The following ARHGAP45 variants were observed in gnomAD, a reference collection of about 807,000 sequenced individuals.
ARHGAP45 encodes the protein Rho GTPase activating protein 45.
In ARHGAP45, 56 loss-of-function variants were observed where a neutral mutation model predicts 116.1. The ratio of observed to expected loss-of-function variants is 0.48; its 90% CI spans 0.39 to 0.60. The LOEUF (loss-of-function observed/expected upper bound fraction) is 0.60, where lower values mean the gene tolerates loss of function less well. Among genes scored for constraint, ARHGAP45 ranks in the 20% least tolerant of loss-of-function variants. ARHGAP45 has a pLI of 0.00. For missense variants in ARHGAP45, 1,622 were observed against 1,601.0 expected (o/e 1.01, Z -0.22); for synonymous variants, 866 against 701.7 (o/e 1.23, Z -3.70).
Position 1,080,790 on chromosome 19 carries a change from A to G in ARHGAP45, c.2017+4A>G, listed in dbSNP as rs1270181541. The G allele has an allele frequency of 6.2e-7, 1 of 1,613,086 alleles. No individual in the cohort carries two copies. The highest frequency in any genetic ancestry group is 2.2e-5 in the East Asian group (1 of 44,880). On this transcript the variant is annotated splice_donor_region_variant and intron_variant, in intron 16 of 22. Coordinates refer to ENST00000313093, the MANE Select transcript of ARHGAP45 (RefSeq NM_012292.5). ...GGGGCTTCAGCCTTTGAGCAGGGTG[A>G]GGGTCCCCTGACGGGGCTGGAGAGA...
chr19:1,084,363 C>T lies in ARHGAP45; in HGVS notation c.3064+17C>T. ...GGTGCAGAGGTGAGTGTGTGGCTGC[C>T]CGAACGGCCCCAAGGGAGGCTGGCG... On this transcript the variant is annotated intron_variant, in intron 22 of 22. Coordinates refer to ENST00000313093, the MANE Select transcript of ARHGAP45 (RefSeq NM_012292.5). The T allele has an allele frequency of 1.3e-6, 2 of 1,591,094 alleles. No individual in the cohort carries two copies. Among genetic ancestry groups the T allele is most frequent in the Non-Finnish European group, 1.7e-6 (2 of 1,167,590 alleles).
intron 21 of ARHGAP45, among the ~76,000 whole-genome samples, chr19:1,083,749 C>G (rs1047853213): frequency 6.6e-6 from 1 of 152,182 alleles, no homozygotes; most frequent in Non-Finnish European, 1.5e-5. Context: ...TTCAGATTTT[C>G]TTTTCTGGGA....
chr19:1,075,013 T>A, intron 10 of ARHGAP45, 134 bp downstream of exon 10: 2 of 635,708 alleles, frequency 3.1e-6, no homozygotes, highest in East Asian at 4.6e-5. Flanking sequence ...ATGCGCGGCC[T>A]CGCAGGCTGG....
chr19:1,069,937 C>T lies in ARHGAP45; in HGVS notation c.421+1193C>T, dbSNP rs554162060. Among the ~76,000 whole-genome samples, 35 of 152,170 alleles carry T rather than the reference C, an allele frequency of 2.3e-4. No individual in the cohort carries two copies. In the South Asian group the frequency reaches 4.6e-3, roughly 20 times the overall value. ...GCTCAAGCCATCCTCCTACCTCTGC[C>T]TCCCGAGTACCTGAGACTACAGGCA... On this transcript the variant is annotated intron_variant, in intron 2 of 22. Transcript: ENST00000313093. This position sits in a 1 kb window ranked among gnomAD's most constrained non-coding sequence, Gnocchi z 4.1.
In ARHGAP45 at chr19:1,082,871, A is replaced by G. The variant is rs1460574394; in HGVS notation, c.2549A>G (p.Tyr850Cys). The G allele has an allele frequency of 1.3e-6, 2 of 1,567,268 alleles. No individual in the cohort carries two copies. The highest frequency in any genetic ancestry group is 1.7e-6 in the Non-Finnish European group (2 of 1,156,622). ...LPEPLISFRL[Y>C]HELVGLAKDS... is the part of the protein sequence containing the mutation. ...GAGCCGCTCATCTCCTTCCGCCTCT[A>G]CCACGAGCTCGTAGGGCTGGCCAAG... Residue 850 changes from tyrosine (Y) to cysteine (C), a missense_variant, in exon 20 of 23, where the codon TAC (tyrosine) becomes TGC (cysteine). This residue lies in a region of ARHGAP45 where 1,334 missense variants were observed against 1,263.8 expected (regional missense o/e 1.06). Transcript: ENST00000313093.
chr19:1,074,186 C>T lies in ARHGAP45; in HGVS notation c.873C>T (p.Asn291=). The change falls in exon 7 of 23, where the codon AAC becomes AAT. Residue 291 remains asparagine (N), a synonymous_variant. Coordinates refer to ENST00000313093, the MANE Select transcript of ARHGAP45 (RefSeq NM_012292.5). ...ATGCCGCACTGCTGTATGCCAAGAA[C>T]ATGGCCAAGTACATGAAGGACCTCA... is the stretch of plus-strand genomic sequence containing the variant. The part of the protein sequence containing the change: ...GVDAALLYAK[N]MAKYMKDLIS... 1.9e-6 allele frequency: 3 copies of T among 1,613,498 alleles called. No individual in the cohort carries two copies. Among genetic ancestry groups the T allele is most frequent in the Middle Eastern group, 1.6e-4 (1 of 6,062 alleles).
intron 7 of ARHGAP45, 37 bp from the exon 8 acceptor site, chr19:1,074,306 C>T: frequency 6.2e-7 from 1 of 1,611,904 alleles, no homozygotes. Flanking sequence ...CTGGGAAGGC[C>T]TTGTCCCAGC....
At chr19:1,073,438 T>A (rs1244948588) in intron 3 of ARHGAP45, 68 bp from the exon 4 acceptor site, 19 of 1,574,596 alleles carry the variant, frequency 1.2e-5, no homozygotes, top group Non-Finnish European at 1.7e-5. Context: ...AGGGCTCCGG[T>A]CAGTTCTTGC....
Position 1,084,239 on chromosome 19 carries a change from AC to A in ARHGAP45, c.2958del (p.Asp986GlufsTer10). The A allele has an allele frequency of 6.2e-7, 1 of 1,613,454 alleles. No homozygotes were observed. The highest frequency in any genetic ancestry group is 8.5e-7 in the Non-Finnish European group (1 of 1,179,802). ...EEPEETPGGQ[D>X]ESSNQRAEVV... ...ATGACTTCCGTTCTGCACTTGCAGG[AC>A]GAGTCATCCAACCAGCGAGCTGAGG... On this transcript the variant is annotated frameshift_variant and splice_region_variant, in exon 22 of 23. Transcript: ENST00000313093. LOFTEE classifies it high-confidence loss of function.
Position 1,083,217 on chromosome 19 carries a change from G to T in ARHGAP45, c.2819G>T (p.Arg940Leu), listed in dbSNP as rs779213412. 1 of 1,610,064 alleles carries T rather than the reference G, an allele frequency of 6.2e-7. No individual in the cohort carries two copies. The highest frequency in any genetic ancestry group is 1.3e-5 in the African/African-American group (1 of 74,948). The stretch of plus-strand genomic sequence containing the variant: ...ATCGTGTTCGGGCCCACGCTGCTTC[G>T]GCCACGGCCCACCGAGGCCACCGTG... ...LGIVFGPTLL[R>L]PRPTEATVSL... Residue 940 changes from arginine (R) to leucine (L), a missense_variant, in exon 21 of 23, where the codon CGG (arginine) becomes CTG (leucine). Physicochemically the swap from Arg to Leu is moderately radical, Grantham distance 102. Around this residue, in one of 3 missense-constraint regions of ARHGAP45, gnomAD observed 1,334 missense variants for 1,263.8 expected, o/e 1.06. Transcript: ENST00000313093.
At chr19:1,066,297 G>A (rs1274484309), upstream of ARHGAP45, 2 of 804,442 alleles carry the variant, frequency 2.5e-6, no homozygotes, top group Non-Finnish European at 3.8e-6. Context: ...GTTGGGGGAA[G>A]GTAGGAGGCT....
rs766168479 is a variant in ARHGAP45 at position 1,083,285 on chromosome 19, A to G, written c.2887A>G (p.Ile963Val). 2.5e-6 allele frequency: 4 copies of G among 1,589,132 alleles called. No individual in the cohort carries two copies. The highest frequency in any genetic ancestry group is 2.3e-5 in the East Asian group (1 of 43,742). Residue 963 changes from isoleucine to valine, a missense_variant, in exon 21 of 23, where the codon ATC (isoleucine) becomes GTC (valine). Ile to Val is a conservative substitution (Grantham distance 29). This residue lies in a region of ARHGAP45 where 1,334 missense variants were observed against 1,263.8 expected (regional missense o/e 1.06). Transcript: ENST00000313093. ...GGATTATCCCCATCAGGCCCGCGTC[A>G]TCGAGACTCTCATCGTCCACTACGG... Reference protein sequence around the residue: ...LVDYPHQARVIETLIVHYGLV... With the variant: ...LVDYPHQARVVETLIVHYGLV...
rs773396319 is a variant in ARHGAP45, at chr19:1,085,709, C to T, written c.3114C>T (p.Ser1038=). ...CGGACTCGGACCTAGAGGAGGCCTC[C>T]GAGCTGCTGTCCTCATCGGAGGCCA... The part of the protein sequence containing the change: ...NDSDSDLEEA[S]ELLSSSEASA... The change falls in exon 23 of 23, where the codon TCC becomes TCT. Residue 1038 remains serine, a synonymous_variant. Coordinates refer to ENST00000313093, the MANE Select transcript of ARHGAP45 (RefSeq NM_012292.5). 3.6e-5 allele frequency: 57 copies of T among 1,604,200 alleles called. No individual in the cohort carries two copies. In the East Asian group the frequency reaches 6.3e-4, roughly 18 times the overall value.
chr19:1,076,459 A>C (rs1415618973), intron 10 of ARHGAP45, among the ~76,000 whole-genome samples: 1 of 147,802 alleles, frequency 6.8e-6, no homozygotes, highest in Non-Finnish European at 1.5e-5. Context: ...TGCCAGGTAG[A>C]AACCTGTGAT....
Position 1,068,857 on chromosome 19 carries a change from A to G in ARHGAP45, c.421+113A>G, listed in dbSNP as rs1463733928. The G allele has an allele frequency of 9.7e-7, 1 of 1,034,208 alleles. No individual in the cohort carries two copies. Among genetic ancestry groups the G allele is most frequent in the East Asian group, 2.5e-5 (1 of 40,356 alleles). The allele number at this position is 1,034,208 out of a possible 1,614,324, so 64.1% of individuals were successfully genotyped here. ...AGGGAGGGAGGCTCAGATGGCAGGG[A>G]GGGCTGTGTGGAAGAGGCCATGACA... On this transcript the variant is annotated intron_variant, in intron 2 of 22. Coordinates refer to ENST00000313093, the MANE Select transcript of ARHGAP45 (RefSeq NM_012292.5). This position sits in a 1 kb window ranked among gnomAD's most constrained non-coding sequence, Gnocchi z 7.5.
At chr19:1,079,507 A>G (rs1157794125) in intron 11 of ARHGAP45, among the ~76,000 whole-genome samples, 196 bp from the exon 12 acceptor site, 1 of 150,670 alleles carries the variant, frequency 6.6e-6, no homozygotes, top group Non-Finnish European at 1.5e-5. Context: ...CCATCTCAAA[A>G]AAAAAAAAAA....
intron 7 of ARHGAP45, 49 bp downstream of exon 7, chr19:1,074,290 G>A: frequency 6.2e-7 from 1 of 1,611,912 alleles, no homozygotes; most frequent in Non-Finnish European, 8.5e-7. Context: ...GGGGGTTCTG[G>A]GTGAGCTGGG....
chr19:1,073,150 C>T lies in ARHGAP45; in HGVS notation c.423C>T (p.Asp141=), dbSNP rs772209678. ...GCTCACTCCGACTCTCCCCAGCAGA[C>T]CTCCTTGAGGCCCGCCGCCCGCGGG... ...EKLKECVLRD[D]LLEARRPRAH... The change falls in exon 3 of 23, where the codon GAC becomes GAT. Residue 141 remains aspartate, a splice_region_variant and synonymous_variant. Coordinates refer to ENST00000313093, the MANE Select transcript of ARHGAP45 (RefSeq NM_012292.5). 7.5e-6 allele frequency: 12 copies of T among 1,605,148 alleles called. No individual in the cohort carries two copies. The South Asian group carries it at 8.8e-5, about 12-fold the overall frequency.
In ARHGAP45 at chr19:1,082,955, C is replaced by G. The variant is rs764088710; in HGVS notation, c.2633C>G (p.Ser878Trp). The G allele has an allele frequency of 3.8e-6, 6 of 1,570,948 alleles. No homozygotes were observed. The African/African-American group carries it at 4.0e-5, about 11-fold the overall frequency. ...GCGTCCCGGGGCCGGCAGGACGGCT[C>G]GGAGAGCGAGGCAGTGGCGGTGGCC... ...KAASRGRQDG[S>W]ESEAVAVALA... The change falls in exon 20 of 23, where the codon TCG becomes TGG. Residue 878 changes from serine to tryptophan, a missense_variant. Physicochemically the swap from Ser to Trp is radical, Grantham distance 177 (BLOSUM62 -3). Coordinates refer to ENST00000313093, the MANE Select transcript of ARHGAP45 (RefSeq NM_012292.5).
Sources: allele counts gnomAD v4.1 joint callset (sites outside exome capture counted in the v4.1 genomes callset), GRCh38; gene constraint gnomAD v4.1.1; regional missense constraint gnomAD v4.1.1; non-coding constraint Gnocchi (gnomAD v3.1); transcripts MANE v1.5; gene names NCBI Gene and HGNC (gene_info 2026-07-23, HGNC 2026-07-21).